The following EIF2A variants were observed in gnomAD, a reference collection of about 807,000 sequenced individuals.
EIF2A encodes eukaryotic translation initiation factor 2A, also known as 65 kDa eukaryotic translation initiation factor 2A.
EIF2A carries 62 observed loss-of-function variants against 75.2 expected under a neutral mutation model. That is an observed-to-expected ratio of 0.82 (90% confidence interval 0.67 to 1.02). EIF2A has a LOEUF of 1.02. Among genes scored for constraint, EIF2A ranks in the 50% least tolerant of loss-of-function variants. The pLI is 0.00. For missense variants in EIF2A, 611 were observed against 677.7 expected, an observed-to-expected ratio of 0.90 and a Z score of 1.09; for synonymous variants, 207 against 239.0, an observed-to-expected ratio of 0.87 and a Z score of 1.23.
In EIF2A at chr3:150,567,679, A is replaced by G. The variant is rs1724258584; in HGVS notation, c.476-14A>G. On this transcript the variant is annotated splice_polypyrimidine_tract_variant and intron_variant, in intron 6 of 13. Transcript: ENST00000460851. ...TTCTCTCATCAATCTGATTTAATTTACTCTTTTTTTTAGACACAATTGCAA... is the reference window on the plus strand; with the variant it reads ...TTCTCTCATCAATCTGATTTAATTTGCTCTTTTTTTTAGACACAATTGCAA... The G allele has an allele frequency of 2.7e-6, 4 of 1,490,454 alleles. 1 individual carries two copies. The South Asian group carries it at 3.7e-5, about 14-fold the overall frequency. The allele number at this position is 1,490,454 out of a possible 1,614,324, so 92.3% of individuals were successfully genotyped here. A position where few individuals can be genotyped will look rare whatever the true frequency, so the allele number is the denominator to read the frequency against.
At chr3:150,558,912 G>A (rs1427439869) in intron 3 of EIF2A, among the ~76,000 whole-genome samples, 2 of 152,002 alleles carry the variant, frequency 1.3e-5, no homozygotes, top group Non-Finnish European at 2.9e-5. Context: ...TCAAAAGAAC[G>A]TTTAGTATAA....
At chr3:150,552,673 G>A (rs1316025287) in intron 2 of EIF2A, 1 of 299,472 alleles carries the variant, frequency 3.3e-6, no homozygotes, top group African/African-American at 2.2e-5. Flanking sequence ...GTAGACACTA[G>A]TGTAATTGAA....
chr3:150,583,146 T>G (rs1362543001), intron 12 of EIF2A, 54 bp from the exon 13 acceptor site: 42 of 1,488,056 alleles, frequency 2.8e-5, no homozygotes, highest in Non-Finnish European at 3.4e-5. Flanking sequence ...TAAGGAAATT[T>G]GCATTTGAAG....
At chr3:150,582,403 C>T (rs181897749) in intron 12 of EIF2A, among the ~76,000 whole-genome samples, 3,013 of 151,870 alleles carry the variant, frequency 0.02, 38 homozygotes, top group Middle Eastern at 0.054. Context: ...CAAGCTCCGC[C>T]TCCCGGGTTC....
intron 11 of EIF2A, among the ~76,000 whole-genome samples, chr3:150,576,430 G>A (rs1724875224): frequency 6.7e-6 from 1 of 149,788 alleles, no homozygotes; most frequent in Non-Finnish European, 1.5e-5. Context: ...ACCATGACTC[G>A]AAAAAAAAAG....
chr3:150,547,525 T>C (rs1723104108), intron 1 of EIF2A, among the ~76,000 whole-genome samples: 1 of 152,184 alleles, frequency 6.6e-6, no homozygotes, highest in Non-Finnish European at 1.5e-5. Flanking sequence ...GAAGTTGCTT[T>C]ACTAGGGTGT....
At chr3:150,557,637 G>A (rs1416290816) in intron 2 of EIF2A, 1 of 337,920 alleles carries the variant, frequency 3.0e-6, no homozygotes. Flanking sequence ...AACCTCAGGT[G>A]ATCCGCCTGC....
intron 2 of EIF2A, chr3:150,552,645 A>C: frequency 2.6e-6 from 1 of 378,578 alleles, no homozygotes; most frequent in East Asian, 4.4e-5. Context: ...GGTAGGGGGA[A>C]CAATACTAAG....
At chr3:150,563,347 G>T (rs1482946701) in intron 4 of EIF2A, among the ~76,000 whole-genome samples, 168 bp from the exon 5 acceptor site, 1 of 151,996 alleles carries the variant, frequency 6.6e-6, no homozygotes, top group Non-Finnish European at 1.5e-5. Flanking sequence ...ATCATGAGTG[G>T]GTTATGTAAC....
At chr3:150,580,363 A>G (rs558245143) in intron 11 of EIF2A, among the ~76,000 whole-genome samples, 1 of 152,322 alleles carries the variant, frequency 6.6e-6, no homozygotes, top group South Asian at 2.1e-4. Context: ...GATTAACAGT[A>G]ACTCATAAGA....
At chr3:150,570,117 T>C (rs1724421188) in intron 9 of EIF2A, among the ~76,000 whole-genome samples, 1 of 152,106 alleles carries the variant, frequency 6.6e-6, no homozygotes, top group Admixed American at 6.5e-5. Flanking sequence ...TAGAAGAATA[T>C]ATGGGAGAAT....
chr3:150,571,028 T>C (rs1724485216), intron 9 of EIF2A, among the ~76,000 whole-genome samples: 1 of 151,688 alleles, frequency 6.6e-6, no homozygotes, highest in African/African-American at 2.4e-5. Flanking sequence ...ACCGTGCCAC[T>C]AAACTCCAGA....
At chr3:150,560,407 TAAAC>T (rs1454175988) in intron 3 of EIF2A, among the ~76,000 whole-genome samples, 1 of 152,162 alleles carries the variant, frequency 6.6e-6, no homozygotes, top group Non-Finnish European at 1.5e-5. Context: ...TTAATTAAAA[TAAAC>T]ATCCTTCATT....
At chr3:150,552,494 G>A (rs753461158) in intron 2 of EIF2A, 69 bp downstream of exon 2, 18 of 1,336,098 alleles carry the variant, frequency 1.3e-5, no homozygotes, top group East Asian at 2.5e-5. Context: ...TTTGTTGGTG[G>A]TGTATTTTGA....
At chr3:150,552,911 G>A (rs1723384727) in intron 2 of EIF2A, 1 of 153,228 alleles carries the variant, frequency 6.5e-6, no homozygotes, top group Non-Finnish European at 1.5e-5. Flanking sequence ...TATCTATAGG[G>A]GGAGAGAGTT....
chr3:150,575,898 G>A, intron 11 of EIF2A, 136 bp downstream of exon 11: 1 of 668,756 alleles, frequency 1.5e-6, no homozygotes, highest in South Asian at 2.2e-5. Context: ...AGACCAGACT[G>A]GCCAACGTGG....
rs1725404324 is a variant in EIF2A at position 150,585,186 on chromosome 3, G to A, written c.*1275G>A. On this transcript the variant is annotated 3_prime_UTR_variant, in exon 14 of 14. Coordinates refer to ENST00000460851, the MANE Select transcript of EIF2A (RefSeq NM_032025.5). ...TGACACTACAGGCTTGCATCACTAT[G>A]CCCAGCTTATACTCACCATAGTGGT... Among the ~76,000 whole-genome samples the A allele has an allele frequency of 6.6e-6, 1 of 152,016 alleles. No homozygotes were observed. Among genetic ancestry groups the A allele is most frequent in the Non-Finnish European group, 1.5e-5 (1 of 68,016 alleles).
At chr3:150,563,710 C>A in intron 5 of EIF2A, 96 bp downstream of exon 5, 3 of 975,944 alleles carry the variant, frequency 3.1e-6, no homozygotes, top group Non-Finnish European at 2.9e-6. Context: ...TAAAAAATAA[C>A]TTATCAGACA....
chr3:150,573,359 TCTC>T (rs1724658190), intron 10 of EIF2A, among the ~76,000 whole-genome samples: 3 of 152,250 alleles, frequency 2.0e-5, no homozygotes, highest in African/African-American at 7.2e-5. Context: ...TTCAAGCAAT[TCTC>T]CTGCCTCAGC....
Sources: gnomAD v4.1 joint callset for allele counts (sites outside exome capture counted in the v4.1 genomes callset) on GRCh38, gnomAD v4.1.1 for gene constraint, MANE v1.5 for transcripts, NCBI Gene and HGNC (gene_info 2026-07-23, HGNC 2026-07-21) for gene names.